The following FRMD4B variants were observed in gnomAD, a reference collection of about 807,000 sequenced individuals.
FRMD4B encodes FERM domain containing 4B, also known as FERM domain-containing protein 4B.
In FRMD4B, 74 loss-of-function variants were observed where a neutral mutation model predicts 141.5. The ratio of observed to expected loss-of-function variants is 0.52; its 90% CI spans 0.43 to 0.63. The LOEUF is 0.63. FRMD4B is among the 30% of genes least tolerant of loss of function. The pLI, the probability that FRMD4B is intolerant of heterozygous loss-of-function variation, is 0.00. For synonymous variants in FRMD4B, 506 were observed against 467.9 expected (o/e 1.08, Z -1.05); for missense variants, 1,366 against 1,253.4 (o/e 1.09, Z -1.36).
intron 11 of FRMD4B, among the ~76,000 whole-genome samples, chr3:69,203,139 GTTTA>G (rs1485886440): frequency 6.6e-6 from 1 of 151,196 alleles, no homozygotes; most frequent in Non-Finnish European, 1.5e-5. Flanking sequence ...GACGATTACA[GTTTA>G]TTTAATGAAA....
chr3:69,494,220 C>T (rs1348084823), intron 1 of FRMD4B, among the ~76,000 whole-genome samples: 5 of 152,190 alleles, frequency 3.3e-5, no homozygotes, highest in Non-Finnish European at 7.3e-5. Flanking sequence ...TGATCATGTT[C>T]CACCACGAAT....
rs373675903 is a variant in FRMD4B, at chr3:69,250,057, C to T, written c.544G>A (p.Ala182Thr). 31 of 1,610,016 alleles carry T rather than the reference C, an allele frequency of 1.9e-5. No homozygotes were observed. The highest frequency in any genetic ancestry group is 2.7e-5 in the African/African-American group (2 of 74,840). The change falls in exon 6 of 23, where the codon GCG (alanine) becomes ACG (threonine). Residue 182 changes from alanine to threonine, a missense_variant. Ala to Thr is a moderately conservative substitution (Grantham distance 58). Transcript: ENST00000398540. ...VESETIFKLA[A>T]FILQEAKGDY... ...TCCAATCTTACCTGTAAAATAAACGCTGCTAACTTGAAGATGGTTTCGCTC... is the reference window on the plus strand; with the variant it reads ...TCCAATCTTACCTGTAAAATAAACGTTGCTAACTTGAAGATGGTTTCGCTC...
At chr3:69,358,510 C>A (rs1488058631) in intron 1 of FRMD4B, among the ~76,000 whole-genome samples, 1 of 152,076 alleles carries the variant, frequency 6.6e-6, no homozygotes, top group Middle Eastern at 3.2e-3. Context: ...CCAAAAAAAA[C>A]AGATTGCTTG....
At chr3:69,373,347 A>G (rs972045850) in intron 1 of FRMD4B, among the ~76,000 whole-genome samples, 9 of 152,218 alleles carry the variant, frequency 5.9e-5, no homozygotes, top group African/African-American at 2.2e-4. Flanking sequence ...ACTTTAGGTA[A>G]GTGGCAAACT....
chr3:69,212,157 C>T (rs1307747494), intron 11 of FRMD4B, among the ~76,000 whole-genome samples: 3 of 150,770 alleles, frequency 2.0e-5, no homozygotes, highest in African/African-American at 7.3e-5. Flanking sequence ...GTCAGGAGTT[C>T]GAGACCAGCT....
At chr3:69,323,604 CTG>C (rs199930882) in intron 1 of FRMD4B, among the ~76,000 whole-genome samples, 13 of 103,266 alleles carry the variant, frequency 1.3e-4, no homozygotes, top group South Asian at 6.6e-4. Flanking sequence ...CTCTCTCTCT[CTG>C]TGTATATATA....
chr3:69,408,156 T>C (rs1463444728), intron 2 of FRMD4B, among the ~76,000 whole-genome samples: 2 of 152,076 alleles, frequency 1.3e-5, no homozygotes, highest in Non-Finnish European at 2.9e-5. Flanking sequence ...GTGAGAGAGA[T>C]GGGTAGGAAT....
At chr3:69,520,147 A>G (rs1001006837) in intron 1 of FRMD4B, among the ~76,000 whole-genome samples, 1 of 133,042 alleles carries the variant, frequency 7.5e-6, no homozygotes, top group Non-Finnish European at 1.5e-5. Context: ...TGGAATATAT[A>G]TATGATGGAA....
intron 1 of FRMD4B, among the ~76,000 whole-genome samples, chr3:69,315,025 T>C (rs2314990): frequency 0.33 from 50,409 of 151,710 alleles, 9,606 homozygotes; most frequent in African/African-American, 0.53. Context: ...GTGGGCAACA[T>C]AGACCTCATC....
chr3:69,313,339 C>T, intron 2 of FRMD4B, 113 bp downstream of exon 2: 1 of 741,836 alleles, frequency 1.3e-6, no homozygotes, highest in Non-Finnish European at 2.5e-6. Context: ...AACAGAGAAG[C>T]CTGAATACAG....
chr3:69,386,784 C>T (rs1357215746), upstream of FRMD4B, among the ~76,000 whole-genome samples: 1 of 152,138 alleles, frequency 6.6e-6, no homozygotes, highest in Non-Finnish European at 1.5e-5. Context: ...TTCCTCACAC[C>T]AAGATGCTGC....
intron 1 of FRMD4B, among the ~76,000 whole-genome samples, chr3:69,350,035 C>A (rs1703083118): frequency 6.6e-6 from 1 of 152,098 alleles, no homozygotes; most frequent in South Asian, 2.1e-4. Flanking sequence ...AGTGAACAGG[C>A]AACCTATAGA....
At chr3:69,498,750 G>A (rs1229163383) in intron 1 of FRMD4B, among the ~76,000 whole-genome samples, 1 of 152,140 alleles carries the variant, frequency 6.6e-6, no homozygotes. Context: ...AGGCTTACAA[G>A]TATTCACTGA....
chr3:69,231,958 G>C (rs576606493), intron 7 of FRMD4B, among the ~76,000 whole-genome samples: 8 of 152,214 alleles, frequency 5.3e-5, no homozygotes, highest in Non-Finnish European at 5.9e-5. Context: ...GAGGCTGCAA[G>C]GGATCTACGG....
At chr3:69,228,520 A>C (rs2093275734) in intron 7 of FRMD4B, 1 of 447,806 alleles carries the variant, frequency 2.2e-6, no homozygotes, top group Admixed American at 2.4e-5. Flanking sequence ...ATAGAGATCA[A>C]AACTTTAATT....
intron 1 of FRMD4B, among the ~76,000 whole-genome samples, chr3:69,485,274 G>C (rs1706196237): frequency 6.6e-6 from 1 of 152,222 alleles, no homozygotes; most frequent in Non-Finnish European, 1.5e-5. Context: ...GGGAGGCCAG[G>C]CAGCTGGAAC....
chr3:69,195,824 A>C (rs935432074), intron 14 of FRMD4B, among the ~76,000 whole-genome samples: 1 of 152,200 alleles, frequency 6.6e-6, no homozygotes, highest in Non-Finnish European at 1.5e-5. Context: ...AGTTACATAT[A>C]CTTAATGATA....
chr3:69,460,659 A>G (rs1705694681), intron 1 of FRMD4B, among the ~76,000 whole-genome samples: 1 of 152,168 alleles, frequency 6.6e-6, no homozygotes, highest in East Asian at 1.9e-4. Context: ...AACTACTCAG[A>G]CTTGACTCTG....
intron 11 of FRMD4B, among the ~76,000 whole-genome samples, chr3:69,206,088 A>G (rs569615094): frequency 1.6e-4 from 25 of 151,808 alleles, no homozygotes; most frequent in African/African-American, 5.8e-4. Context: ...GTGGTGGCTC[A>G]CTCCTGTAAT....
Sources: gnomAD v4.1 joint callset for allele counts (sites outside exome capture counted in the v4.1 genomes callset) on GRCh38, gnomAD v4.1.1 for gene constraint, MANE v1.5 for transcripts, NCBI Gene and HGNC (gene_info 2026-07-23, HGNC 2026-07-21) for gene names.